Variants in FBN1 observed in about 807,000 individuals in gnomAD.
FBN1 encodes fibrillin-1.
Under a neutral mutation model 365.1 loss-of-function variants are expected in FBN1, and 29 were observed. That is an observed-to-expected ratio of 0.08 (90% confidence interval 0.06 to 0.11). The LOEUF (loss-of-function observed/expected upper bound fraction) is 0.11, where lower values mean the gene tolerates loss of function less well. Ranked by LOEUF, FBN1 falls within the 10% of genes least tolerant of loss-of-function variation. FBN1 has a pLI of 1.00. For synonymous variants in FBN1, 1,210 were observed against 1,270.5 expected (o/e 0.95, Z 1.01); for missense variants, 2,476 against 3,703.2 (o/e 0.67, Z 8.60).
chr15:48,537,566 G>C (rs2044023340), intron 7 of FBN1, 45 bp downstream of exon 7: 8 of 1,608,546 alleles, frequency 5.0e-6, no homozygotes, highest in Non-Finnish European at 6.8e-6. Flanking sequence ...GCTCTCCAGA[G>C]CAAATAAGAT....
rs2141330047 is a variant in FBN1 at position 48,515,486 on chromosome 15, G to A, written c.1369C>T (p.Arg457Cys). ...CAGCGTCCATTTTGACAGAGATAGCGGACCAACTGGCAGTAATCAGTAACG... is the reference window on the plus strand; with the variant it reads ...CAGCGTCCATTTTGACAGAGATAGCAGACCAACTGGCAGTAATCAGTAACG... Reference protein sequence around the residue: ...VNVTDYCQLVRYLCQNGRCIP... With the variant: ...VNVTDYCQLVCYLCQNGRCIP... The change falls in exon 12 of 66, where the codon CGC becomes TGC. Residue 457 changes from arginine (R) to cysteine (C), a missense_variant. Around this residue, in one of 5 missense-constraint regions of FBN1, gnomAD observed 421 missense variants for 520.1 expected, o/e 0.81. Transcript: ENST00000316623. The A allele has an allele frequency of 3.1e-6, 5 of 1,613,948 alleles. No homozygotes were observed. The highest frequency in any genetic ancestry group is 2.2e-5 in the South Asian group (2 of 91,088).
chr15:48,542,779 A>G (rs953348785), intron 6 of FBN1, among the ~76,000 whole-genome samples: 5 of 92,082 alleles, frequency 5.4e-5, no homozygotes, highest in South Asian at 3.7e-4. Flanking sequence ...TAGGACTCTA[A>G]GATGTGTGTG....
intron 19 of FBN1, among the ~76,000 whole-genome samples, 173 bp downstream of exon 19, chr15:48,497,093 T>A (rs2043614447): frequency 6.6e-6 from 1 of 152,222 alleles, no homozygotes; most frequent in African/African-American, 2.4e-5. Flanking sequence ...CTGTGAAGAT[T>A]CAGTGATGTA....
chr15:48,416,438 G>A (rs556873223), intron 63 of FBN1, among the ~76,000 whole-genome samples: 4 of 152,214 alleles, frequency 2.6e-5, no homozygotes, highest in East Asian at 3.9e-4. Flanking sequence ...TCCCATCACC[G>A]AATCGGCCCC....
At chr15:48,596,136 C>A in intron 6 of FBN1, 147 bp downstream of exon 6, 1 of 737,558 alleles carries the variant, frequency 1.4e-6, no homozygotes, top group South Asian at 1.5e-5. Flanking sequence ...TCTTGTCATC[C>A]TAGGGACCTT....
chr15:48,508,682 C>T lies in FBN1; in HGVS notation c.1737G>A (p.Arg579=), dbSNP rs2043732822. ...TACACATTCCATTAAGGCACATGTT[C>T]CTTATGCTGCATTCATCCATATCTG... is the stretch of plus-strand genomic sequence containing the variant. The part of the protein sequence containing the change: ...NCEDMDECSI[R]NMCLNGMCIN... The change falls in exon 15 of 66, where the codon AGG becomes AGA. Residue 579 remains arginine, a synonymous_variant. Transcript: ENST00000316623. 6.2e-7 allele frequency: 1 copy of T among 1,613,628 alleles called. No individual in the cohort carries two copies.
intron 2 of FBN1, among the ~76,000 whole-genome samples, chr15:48,620,632 A>C (rs1050469033): frequency 1.3e-5 from 2 of 152,174 alleles, no homozygotes; most frequent in Non-Finnish European, 2.9e-5. Context: ...ATGTTATTGT[A>C]TAAATCTAAT....
At chr15:48,438,570 T>C (rs1032613411) in intron 50 of FBN1, among the ~76,000 whole-genome samples, 3 of 149,690 alleles carry the variant, frequency 2.0e-5, no homozygotes, top group Non-Finnish European at 3.0e-5. Context: ...CACACACATA[T>C]GCAGAGCTGT....
At chr15:48,461,150 T>C in intron 42 of FBN1, among the ~76,000 whole-genome samples, 1 of 152,166 alleles carries the variant, frequency 6.6e-6, no homozygotes. Flanking sequence ...AATCTATGAG[T>C]GTTCACTTCC....
Position 48,463,118 on chromosome 15 carries a change from T to C in FBN1, c.5188A>G (p.Asn1730Asp). 1.2e-6 allele frequency: 2 copies of C among 1,614,148 alleles called. No homozygotes were observed. The highest frequency in any genetic ancestry group is 1.7e-6 in the Non-Finnish European group (2 of 1,179,970). ...ATGGGACACTGTTCACAGGGCTTGT[T>C]CCACGCCCGGCCAATGTTGTAGGAA... Reference protein sequence around the residue: ...CCSYNIGRAWNKPCEQCPIPS... With the variant: ...CCSYNIGRAWDKPCEQCPIPS... Residue 1730 changes from asparagine (N) to aspartate (D), a missense_variant, in exon 42 of 66, where the codon AAC becomes GAC. Physicochemically the swap from Asn to Asp is conservative, Grantham distance 23. Around this residue, in one of 5 missense-constraint regions of FBN1, gnomAD observed 1,780 missense variants for 2,840.8 expected, o/e 0.63. Transcript: ENST00000316623.
intron 15 of FBN1, 30 bp downstream of exon 15, chr15:48,508,552 G>A (rs1232940481): frequency 6.2e-7 from 1 of 1,613,400 alleles, no homozygotes; most frequent in Admixed American, 1.7e-5. Context: ...GGCACGTGAA[G>A]AACATGATCT....
intron 2 of FBN1, among the ~76,000 whole-genome samples, chr15:48,618,151 C>T (rs1269185274): frequency 2.6e-5 from 4 of 152,008 alleles, no homozygotes; most frequent in Non-Finnish European, 4.4e-5. Context: ...CATGCCCTCA[C>T]ACAACAAAGG....
At chr15:48,613,987 T>C (rs539505982) in intron 2 of FBN1, among the ~76,000 whole-genome samples, 1 of 152,288 alleles carries the variant, frequency 6.6e-6, no homozygotes, top group East Asian at 1.9e-4. Context: ...ATAAAATCAG[T>C]GTCACTCTGG....
At chr15:48,523,720 G>T (rs922037637) in intron 9 of FBN1, among the ~76,000 whole-genome samples, 5 of 149,596 alleles carry the variant, frequency 3.3e-5, no homozygotes, top group African/African-American at 7.5e-5. Flanking sequence ...TGGGGGGGGG[G>T]GGGAACCGTT....
chr15:48,473,815 AAAT>A (rs2043396857), intron 34 of FBN1, among the ~76,000 whole-genome samples: 1 of 152,058 alleles, frequency 6.6e-6, no homozygotes, highest in Admixed American at 6.6e-5. Context: ...GGCAAAAAAA[AAAT>A]AATAATAAAT....
intron 11 of FBN1, 73 bp downstream of exon 11, chr15:48,516,110 C>A (rs1386135793): frequency 5.8e-6 from 8 of 1,381,006 alleles, no homozygotes; most frequent in Non-Finnish European, 8.2e-6. Flanking sequence ...ACTAAAGTAG[C>A]ATAAATAAAT....
intron 25 of FBN1, 104 bp from the exon 26 acceptor site, chr15:48,488,597 T>A: frequency 7.3e-7 from 1 of 1,361,624 alleles, no homozygotes; most frequent in Non-Finnish European, 1.0e-6. Context: ...GTTCTTGATT[T>A]AAGGTCTTGG....
At chr15:48,502,972 G>C (rs2141314520) in intron 17 of FBN1, among the ~76,000 whole-genome samples, 1 of 152,186 alleles carries the variant, frequency 6.6e-6, no homozygotes. Context: ...GAGAAAAATA[G>C]TTTTTTCTCT....
intron 43 of FBN1, among the ~76,000 whole-genome samples, chr15:48,459,143 T>C (rs1566902249): frequency 6.6e-6 from 1 of 152,244 alleles, no homozygotes; most frequent in Non-Finnish European, 1.5e-5. Flanking sequence ...TTTCTAGTCT[T>C]TGCTTACTGC....
Sources: allele counts gnomAD v4.1 joint callset (sites outside exome capture counted in the v4.1 genomes callset), GRCh38; gene constraint gnomAD v4.1.1; regional missense constraint gnomAD v4.1.1; transcripts MANE v1.5; gene names NCBI Gene and HGNC (gene_info 2026-07-23, HGNC 2026-07-21).